STAP1: variants seen among roughly 807,000 people sequenced by gnomAD.
STAP1 encodes the protein signal transducing adaptor family member 1, also known as signal-transducing adaptor protein 1.
In STAP1, 30 loss-of-function variants were observed where a neutral mutation model predicts 37.8. The ratio of observed to expected loss-of-function variants is 0.79; its 90% CI spans 0.59 to 1.08. The LOEUF is 1.08. Ranked by LOEUF, STAP1 falls within the 50% of genes least tolerant of loss-of-function variation. The pLI is 0.00. For missense variants in STAP1, 357 were observed against 349.4 expected, an observed-to-expected ratio of 1.02 and a Z score of -0.17; for synonymous variants, 130 against 116.0, an observed-to-expected ratio of 1.12 and a Z score of -0.78.
chr4:67,594,273 T>C (rs1198825725), intron 8 of STAP1, among the ~76,000 whole-genome samples: 1 of 152,218 alleles, frequency 6.6e-6, no homozygotes, highest in Admixed American at 6.5e-5. Flanking sequence ...ATTAAAAGGA[T>C]AGCAAGTTTA....
intron 1 of STAP1, among the ~76,000 whole-genome samples, chr4:67,560,643 G>GGGGGGTGT (rs370510074): frequency 1.5e-3 from 227 of 149,602 alleles, no homozygotes; most frequent in Middle Eastern, 3.4e-3. Flanking sequence ...TGTGTGTGTG[G>GGGGGGTGT]GTGTGTGTCT....
rs756970456 is a variant in STAP1 at position 67,583,715 on chromosome 4, T to G, written c.659+13T>G. On this transcript the variant is annotated intron_variant, in intron 6 of 8. Coordinates refer to ENST00000265404, the MANE Select transcript of STAP1 (RefSeq NM_012108.4). ...GGCAGGAGATAGAGTATGTTTATTTTTTTTAAATGTATGGAATTTTTAAAA... is the reference window on the plus strand; with the variant it reads ...GGCAGGAGATAGAGTATGTTTATTTGTTTTAAATGTATGGAATTTTTAAAA... 6.2e-7 allele frequency: 1 copy of G among 1,605,856 alleles called. No homozygotes were observed. Among genetic ancestry groups the G allele is most frequent in the East Asian group, 2.2e-5 (1 of 44,770 alleles).
At chr4:67,566,927 C>T (rs1013893728) in intron 1 of STAP1, among the ~76,000 whole-genome samples, 2 of 152,002 alleles carry the variant, frequency 1.3e-5, no homozygotes, top group East Asian at 1.9e-4. Flanking sequence ...GCCAAGATCA[C>T]GTCACTGCAC....
rs542268736 is a variant in STAP1, at chr4:67,605,034, G to A, written c.827-1262G>A. Among the ~76,000 whole-genome samples, 5 of 152,216 alleles carry A rather than the reference G, an allele frequency of 3.3e-5. No homozygotes were observed. In the East Asian group the frequency reaches 9.7e-4, roughly 29 times the overall value. On this transcript the variant is annotated intron_variant, in intron 8 of 8. Transcript: ENST00000265404. ...TGTGTCACTTCATACACAGAACTAG[G>A]AAATAACTCTTTTCCAGCTGTCACC...
intron 3 of STAP1, among the ~76,000 whole-genome samples, chr4:67,576,136 G>A (rs79206279): frequency 2.0e-3 from 297 of 152,130 alleles, no homozygotes; most frequent in African/African-American, 6.7e-3. Context: ...TTCTTCACCC[G>A]GAAGTAAGTC....
chr4:67,565,794 T>A (rs1045047607), intron 1 of STAP1, among the ~76,000 whole-genome samples: 1 of 151,986 alleles, frequency 6.6e-6, no homozygotes, highest in African/African-American at 2.4e-5. Flanking sequence ...CAATAATAAT[T>A]ATTATTATTC....
chr4:67,572,063 G>T (rs1293362781), intron 2 of STAP1, among the ~76,000 whole-genome samples: 3 of 152,150 alleles, frequency 2.0e-5, no homozygotes, highest in Admixed American at 6.5e-5. Context: ...CATGGCAAGA[G>T]GCAGTAAAGC....
chr4:67,580,846 C>T (rs1177540438), intron 4 of STAP1, among the ~76,000 whole-genome samples: 1 of 152,244 alleles, frequency 6.6e-6, no homozygotes, highest in Non-Finnish European at 1.5e-5. Context: ...GACTGCTGCT[C>T]TTCAGTCACC....
intron 6 of STAP1, 82 bp downstream of exon 6, chr4:67,583,784 T>C (rs1158613196): frequency 1.3e-6 from 2 of 1,493,988 alleles, no homozygotes; most frequent in Non-Finnish European, 1.8e-6. Context: ...ACCTGCTATG[T>C]GTTTCGTTGG....
chr4:67,573,937 G>T (rs2109859871), intron 2 of STAP1, among the ~76,000 whole-genome samples: 1 of 152,064 alleles, frequency 6.6e-6, no homozygotes, highest in South Asian at 2.1e-4. Flanking sequence ...ACTTACTACA[G>T]GTAGTTCTTT....
chr4:67,579,559 T>G (rs13119230), intron 4 of STAP1, among the ~76,000 whole-genome samples: 39,935 of 152,086 alleles, frequency 0.26, 5,477 homozygotes, highest in South Asian at 0.37. Context: ...TGCCAGCATC[T>G]GCTCAGCTTC....
chr4:67,584,212 A>G (rs1480438654), intron 6 of STAP1, among the ~76,000 whole-genome samples: 4 of 152,096 alleles, frequency 2.6e-5, no homozygotes, highest in African/African-American at 9.7e-5. Flanking sequence ...ATAACACATT[A>G]TTTTGGTCCT....
chr4:67,568,505 T>C (rs1727523225), intron 1 of STAP1, among the ~76,000 whole-genome samples: 2 of 152,212 alleles, frequency 1.3e-5, no homozygotes, highest in South Asian at 4.1e-4. Context: ...TTTTGTAATA[T>C]AGTCACTCTT....
rs182898403 is a variant in STAP1 at position 67,587,089 on chromosome 4, T to C, written c.659+3387T>C. Among the ~76,000 whole-genome samples, 214 of 152,342 alleles carry C rather than the reference T, an allele frequency of 1.4e-3. 1 individual carries two copies. The highest frequency in any genetic ancestry group is 1.9e-3 in the Non-Finnish European group (132 of 68,034). ...TTCAGAGTACCTGAATTTAATATCT[T>C]CCATGTAACAGGTCACTTAAAGGAT... is the stretch of plus-strand genomic sequence containing the variant. On this transcript the variant is annotated intron_variant, in intron 6 of 8. Coordinates refer to ENST00000265404, the MANE Select transcript of STAP1 (RefSeq NM_012108.4).
At chr4:67,598,720 C>T (rs1728275726) in intron 8 of STAP1, among the ~76,000 whole-genome samples, 1 of 152,182 alleles carries the variant, frequency 6.6e-6, no homozygotes, top group South Asian at 2.1e-4. Context: ...TTCTCCCATT[C>T]TGTGGGTTGT....
chr4:67,579,475 C>T (rs953481772), intron 4 of STAP1, among the ~76,000 whole-genome samples: 2 of 151,896 alleles, frequency 1.3e-5, no homozygotes, highest in African/African-American at 4.8e-5. Flanking sequence ...TAAAGAAATA[C>T]CTAAGACTGG....
chr4:67,566,511 A>G (rs1458068197), intron 1 of STAP1, among the ~76,000 whole-genome samples: 1 of 152,174 alleles, frequency 6.6e-6, no homozygotes, highest in East Asian at 1.9e-4. Context: ...CCTTTGCCAC[A>G]TGGCAGGGAA....
intron 2 of STAP1, among the ~76,000 whole-genome samples, chr4:67,574,845 A>G (rs1387087383): frequency 6.6e-6 from 1 of 152,146 alleles, no homozygotes; most frequent in African/African-American, 2.4e-5. Context: ...AAAATAATAA[A>G]TCAAGCTTGA....
rs1489847656 is a variant in STAP1, at chr4:67,590,501, T to G, written c.660-383T>G. 5.3e-5 allele frequency among the ~76,000 whole-genome samples: 8 copies of G among 152,204 alleles called. No homozygotes were observed. The East Asian group carries it at 1.5e-3, about 29-fold the overall frequency. ...ATAATTCTTTCTACTTCTCTCAATATGGAGAATATATATTTGATTTTATAT... is the reference window on the plus strand; with the variant it reads ...ATAATTCTTTCTACTTCTCTCAATAGGGAGAATATATATTTGATTTTATAT... On this transcript the variant is annotated intron_variant, in intron 6 of 8. Coordinates refer to ENST00000265404, the MANE Select transcript of STAP1 (RefSeq NM_012108.4).
Sources: allele counts gnomAD v4.1 joint callset (sites outside exome capture counted in the v4.1 genomes callset), GRCh38; gene constraint gnomAD v4.1.1; transcripts MANE v1.5; gene names NCBI Gene and HGNC (gene_info 2026-07-23, HGNC 2026-07-21).